Variants in PRKG1 observed in about 807,000 individuals in gnomAD.
PRKG1 encodes cGMP-dependent protein kinase 1.
PRKG1 carries 35 observed loss-of-function variants against 88.1 expected under a neutral mutation model. The ratio of observed to expected loss-of-function variants is 0.40; its 90% CI spans 0.30 to 0.53. PRKG1 has a LOEUF of 0.53. Ranked by LOEUF, PRKG1 falls within the 20% of genes least tolerant of loss-of-function variation. PRKG1 has a pLI of 0.59. For missense variants in PRKG1, 540 were observed against 839.8 expected (o/e 0.64, Z 4.41); for synonymous variants, 303 against 292.5 (o/e 1.04, Z -0.37).
chr10:51,101,102 C>T lies in PRKG1; in HGVS notation c.311+26201C>T, dbSNP rs569513105. Reference sequence around the variant, plus strand: ...TGAATATTTGTGTTTCTACCCCACACGAGAATTCATAGGTTGTAGCCTTAA... The same window carrying T: ...TGAATATTTGTGTTTCTACCCCACATGAGAATTCATAGGTTGTAGCCTTAA... On this transcript the variant is annotated intron_variant, in intron 1 of 17. Coordinates refer to ENST00000373980, the MANE Select transcript of PRKG1 (RefSeq NM_006258.4). 2.5e-4 allele frequency among the ~76,000 whole-genome samples: 38 copies of T among 152,184 alleles called. 1 individual carries two copies. In the South Asian group the frequency reaches 6.4e-3, roughly 26 times the overall value.
At chr10:51,975,385 C>A (rs992911513) in intron 5 of PRKG1, among the ~76,000 whole-genome samples, 8 of 151,932 alleles carry the variant, frequency 5.3e-5, no homozygotes, top group Non-Finnish European at 1.2e-4. Context: ...ATTAAAGACT[C>A]AAGCGGGGGA....
At chr10:51,016,741 T>C (rs898729404) in intron 1 of PRKG1, among the ~76,000 whole-genome samples, 1 of 136,764 alleles carries the variant, frequency 7.3e-6, no homozygotes, top group Non-Finnish European at 1.5e-5. Flanking sequence ...CGATCTCGGC[T>C]CACTGGAAAC....
At chr10:51,150,911 C>T (rs1846055949) in intron 1 of PRKG1, among the ~76,000 whole-genome samples, 1 of 151,736 alleles carries the variant, frequency 6.6e-6, no homozygotes, top group African/African-American at 2.4e-5. Flanking sequence ...GAGAAAGCGA[C>T]TTCAATCATG....
At chr10:51,590,455 A>G (rs915422944) in intron 3 of PRKG1, among the ~76,000 whole-genome samples, 1 of 152,184 alleles carries the variant, frequency 6.6e-6, no homozygotes, top group African/African-American at 2.4e-5. Flanking sequence ...GAGGATATTA[A>G]TGTTCTTTTT....
At chr10:51,826,068 G>T (rs1839874805) in intron 4 of PRKG1, among the ~76,000 whole-genome samples, 2 of 152,104 alleles carry the variant, frequency 1.3e-5, no homozygotes, top group Non-Finnish European at 2.9e-5. Context: ...AGGGTAAGGG[G>T]CCATCATGAA....
chr10:51,222,018 G>A (rs1023000008), intron 2 of PRKG1, among the ~76,000 whole-genome samples: 1 of 151,650 alleles, frequency 6.6e-6, no homozygotes, highest in Non-Finnish European at 1.5e-5. Context: ...GAGATTACAG[G>A]TGCCCACCAC....
intron 5 of PRKG1, among the ~76,000 whole-genome samples, chr10:52,006,985 A>G (rs529712001): frequency 6.6e-6 from 1 of 151,692 alleles, no homozygotes; most frequent in East Asian, 1.9e-4. Context: ...TTTCTTAAAG[A>G]AAAAAAAATT....
At chr10:51,308,922 T>A (rs1226050962) in intron 2 of PRKG1, among the ~76,000 whole-genome samples, 1 of 152,136 alleles carries the variant, frequency 6.6e-6, no homozygotes, top group Non-Finnish European at 1.5e-5. Context: ...GTGCTGGTGC[T>A]GACGGTATGA....
chr10:51,391,676 C>T (rs377731324), intron 2 of PRKG1, among the ~76,000 whole-genome samples: 3 of 152,292 alleles, frequency 2.0e-5, no homozygotes, highest in African/African-American at 4.8e-5. Flanking sequence ...AACTTTGTTC[C>T]GTTGTTTTCC....
intron 2 of PRKG1, among the ~76,000 whole-genome samples, chr10:51,387,436 A>G (rs184558940): frequency 2.6e-5 from 4 of 151,872 alleles, no homozygotes; most frequent in African/African-American, 9.6e-5. Flanking sequence ...GGCACTACAA[A>G]TTATGTAGCC....
At chr10:51,226,036 T>C (rs1838683916) in intron 2 of PRKG1, among the ~76,000 whole-genome samples, 2 of 152,190 alleles carry the variant, frequency 1.3e-5, no homozygotes, top group South Asian at 4.1e-4. Context: ...AAACACCGCC[T>C]CTACTAAAAT....
At chr10:51,747,796 G>T (rs539307496) in intron 3 of PRKG1, among the ~76,000 whole-genome samples, 37 of 152,182 alleles carry the variant, frequency 2.4e-4, no homozygotes, top group Admixed American at 1.2e-3. Flanking sequence ...GAGGGTTAGG[G>T]TCTCACTTTG....
intron 3 of PRKG1, among the ~76,000 whole-genome samples, chr10:51,651,138 C>T (rs1840028895): frequency 6.6e-6 from 1 of 152,162 alleles, no homozygotes; most frequent in African/African-American, 2.4e-5. Flanking sequence ...AATATCAATA[C>T]TATACTGATT....
intron 7 of PRKG1, among the ~76,000 whole-genome samples, chr10:52,108,959 C>G (rs1330639900): frequency 6.6e-6 from 1 of 151,640 alleles, no homozygotes; most frequent in Non-Finnish European, 1.5e-5. Flanking sequence ...TCCTGAGTAG[C>G]TGGGACTATA....
intron 4 of PRKG1, among the ~76,000 whole-genome samples, chr10:51,884,490 C>A (rs1268792754): frequency 7.7e-6 from 1 of 129,324 alleles, no homozygotes; most frequent in Non-Finnish European, 1.6e-5. Context: ...AGCTTTAGAG[C>A]AGACAAGTAA....
intron 2 of PRKG1, among the ~76,000 whole-genome samples, chr10:51,325,227 T>C (rs1317693410): frequency 1.3e-5 from 2 of 152,160 alleles, no homozygotes; most frequent in African/African-American, 4.8e-5. Flanking sequence ...AATTTGATGA[T>C]AATGATTTTT....
chr10:51,301,850 C>G (rs1371089125), intron 2 of PRKG1, among the ~76,000 whole-genome samples: 1 of 152,200 alleles, frequency 6.6e-6, no homozygotes, highest in Admixed American at 6.5e-5. Context: ...GAGTTCAGTT[C>G]AGTTTAGTGT....
intron 3 of PRKG1, among the ~76,000 whole-genome samples, chr10:51,586,297 A>C (rs1838171275): frequency 6.6e-6 from 1 of 152,184 alleles, no homozygotes; most frequent in South Asian, 2.1e-4. Flanking sequence ...GTTTTGAACA[A>C]TTAGACTAAA....
chr10:50,998,606 G>T (rs1842857918), intron 1 of PRKG1, among the ~76,000 whole-genome samples: 1 of 152,146 alleles, frequency 6.6e-6, no homozygotes, highest in Non-Finnish European at 1.5e-5. Context: ...AAATTAGCCA[G>T]GCATGGTGGC....
Sources: gnomAD v4.1 joint callset for allele counts (sites outside exome capture counted in the v4.1 genomes callset) on GRCh38, gnomAD v4.1.1 for gene constraint, MANE v1.5 for transcripts, NCBI Gene and HGNC (gene_info 2026-07-23, HGNC 2026-07-21) for gene names.